UPF2: variants seen among roughly 807,000 people sequenced by gnomAD.
The protein encoded by UPF2 is regulator of nonsense transcripts 2.
Under a neutral mutation model 141.4 loss-of-function variants are expected in UPF2, and 17 were observed. The ratio of observed to expected loss-of-function variants is 0.12; its 90% CI spans 0.08 to 0.18. UPF2 has a LOEUF of 0.18. UPF2 is among the 10% of genes least tolerant of loss of function. The pLI, the probability that UPF2 is intolerant of heterozygous loss-of-function variation, is 1.00. For synonymous variants in UPF2, 540 were observed against 498.0 expected (o/e 1.08, Z -1.12); for missense variants, 1,152 against 1,515.9 (o/e 0.76, Z 3.99).
At chr10:11,973,742 A>G (rs547546796) in intron 9 of UPF2, among the ~76,000 whole-genome samples, 6 of 152,162 alleles carry the variant, frequency 3.9e-5, no homozygotes, top group Non-Finnish European at 5.9e-5. Flanking sequence ...CCATTGGTCT[A>G]TATCTCTATT....
intron 8 of UPF2, among the ~76,000 whole-genome samples, chr10:11,986,330 T>C (rs1246366476): frequency 6.6e-6 from 1 of 152,188 alleles, no homozygotes; most frequent in Non-Finnish European, 1.5e-5. Flanking sequence ...GTCTCCTGAA[T>C]CACACATTTA....
intron 2 of UPF2, among the ~76,000 whole-genome samples, chr10:12,032,032 G>A (rs766513415): frequency 2.0e-4 from 31 of 152,122 alleles, no homozygotes; most frequent in Non-Finnish European, 3.2e-4. Context: ...CGTGGCTCAC[G>A]CCTGTAATCC....
intron 9 of UPF2, among the ~76,000 whole-genome samples, chr10:11,973,701 G>A (rs1352531840): frequency 2.6e-5 from 4 of 152,106 alleles, no homozygotes; most frequent in Non-Finnish European, 5.9e-5. Context: ...TTGTAGATGT[G>A]TGGTATTATT....
chr10:11,957,061 C>T (rs1833163534), intron 12 of UPF2, among the ~76,000 whole-genome samples: 1 of 152,304 alleles, frequency 6.6e-6, no homozygotes, highest in South Asian at 2.1e-4. Flanking sequence ...GTCAAGTAAT[C>T]CCTGTGCCTT....
chr10:12,011,221 C>T (rs1834121095), intron 4 of UPF2, among the ~76,000 whole-genome samples: 1 of 152,212 alleles, frequency 6.6e-6, no homozygotes, highest in South Asian at 2.1e-4. Context: ...TCAAACTCGC[C>T]TCAAGCAATC....
intron 8 of UPF2, among the ~76,000 whole-genome samples, chr10:11,987,119 G>C (rs1209339309): frequency 6.6e-6 from 1 of 152,224 alleles, no homozygotes; most frequent in Non-Finnish European, 1.5e-5. Flanking sequence ...GGGGCCTTCT[G>C]AGGTGCTGGG....
intron 4 of UPF2, among the ~76,000 whole-genome samples, chr10:12,004,975 A>G (rs1234891694): frequency 6.6e-6 from 1 of 152,208 alleles, no homozygotes; most frequent in Non-Finnish European, 1.5e-5. Flanking sequence ...ATTTGTTTTA[A>G]GCAATTAATA....
chr10:11,938,999 A>G (rs942119034), intron 18 of UPF2, among the ~76,000 whole-genome samples: 1 of 151,190 alleles, frequency 6.6e-6, no homozygotes, highest in Non-Finnish European at 1.5e-5. Flanking sequence ...CAGCCTCCCA[A>G]GTAGCTGGGA....
chr10:11,988,995 T>A (rs545721508), intron 8 of UPF2, among the ~76,000 whole-genome samples: 1 of 152,294 alleles, frequency 6.6e-6, no homozygotes, highest in African/African-American at 2.4e-5. Context: ...CCCTCAGGGA[T>A]AAGCCAAATC....
At chr10:11,925,182 T>C (rs918234883) in intron 21 of UPF2, among the ~76,000 whole-genome samples, 17 of 152,216 alleles carry the variant, frequency 1.1e-4, no homozygotes. Context: ...ATCTCATGTT[T>C]CCATGTTTGT....
rs1832916779 is a variant in UPF2, at chr10:11,939,947, C to T, written c.3378+2718G>A. ...ATTGATCTCCCTGCTCTTCTCTTTC[C>T]CTTGGAAAAACAAAACAAAACATCT... is the stretch of plus-strand genomic sequence containing the variant. On this transcript the variant is annotated intron_variant, in intron 18 of 21. Coordinates refer to ENST00000357604, the MANE Select transcript of UPF2 (RefSeq NM_015542.4). The surrounding 1 kb of genome is among the most constrained non-coding windows in gnomAD (Gnocchi z 4.8). 6.6e-6 allele frequency among the ~76,000 whole-genome samples: 1 copy of T among 152,024 alleles called. No homozygotes were observed. The highest frequency in any genetic ancestry group is 6.6e-5 in the Admixed American group (1 of 15,262).
chr10:11,938,872 T>TTTTTTTG (rs1832898885), intron 18 of UPF2, among the ~76,000 whole-genome samples: 2 of 106,014 alleles, frequency 1.9e-5, no homozygotes, highest in East Asian at 8.5e-4. Context: ...TTTTTTTTTT[T>TTTTTTTG]TTTTTTTTTT....
intron 16 of UPF2, among the ~76,000 whole-genome samples, chr10:11,945,018 C>T (rs906863945): frequency 2.0e-5 from 3 of 152,188 alleles, no homozygotes; most frequent in African/African-American, 4.8e-5. Context: ...AATGGTAATA[C>T]AAATACAGCC....
intron 2 of UPF2, among the ~76,000 whole-genome samples, chr10:12,033,991 T>C (rs1834574391): frequency 6.6e-6 from 1 of 152,216 alleles, no homozygotes; most frequent in Non-Finnish European, 1.5e-5. Context: ...AAAAACAGAT[T>C]TAAATAAAGA....
rs748394988 is a variant in UPF2 at position 12,014,160 on chromosome 10, C to T, written c.1170G>A (p.Glu390=). The part of the protein sequence containing the change: ...QNRRILHSKG[E]LSEDRHKQYE... ...ACTGTTTATGTCTATCTTCACTGAG[C>T]TCCCCTTTAGAATGTAGAATGCGCC... Residue 390 remains glutamate, a synonymous_variant, in exon 4 of 22, where the codon GAG becomes GAA. Transcript: ENST00000357604. This position sits in a 1 kb window ranked among gnomAD's most constrained non-coding sequence, Gnocchi z 5.0. 3 of 1,520,430 alleles carry T rather than the reference C, an allele frequency of 2.0e-6. No individual in the cohort carries two copies. Among genetic ancestry groups the T allele is most frequent in the East Asian group, 4.9e-5 (2 of 40,424 alleles). The allele number at this position is 1,520,430 out of a possible 1,614,324, so 94.2% of individuals were successfully genotyped here. A position where few individuals can be genotyped will look rare whatever the true frequency, so the allele number is the denominator to read the frequency against.
rs901312309 is a variant in UPF2 at position 11,936,126 on chromosome 10, T to C, written c.3546+419A>G. Among the ~76,000 whole-genome samples, 2 of 152,088 alleles carry C rather than the reference T, an allele frequency of 1.3e-5. No individual in the cohort carries two copies. Among genetic ancestry groups the C allele is most frequent in the East Asian group, 3.9e-4 (2 of 5,186 alleles). ...TGCTCACGCCTATAATCCAAGCACT[T>C]TGGGAGGCCGAGATGGGCAGATCAC... On this transcript the variant is annotated intron_variant, in intron 19 of 21. Coordinates refer to ENST00000357604, the MANE Select transcript of UPF2 (RefSeq NM_015542.4). This position sits in a 1 kb window ranked among gnomAD's most constrained non-coding sequence, Gnocchi z 6.6.
At chr10:11,954,770 G>A (rs1833123265) in intron 14 of UPF2, among the ~76,000 whole-genome samples, 2 of 148,428 alleles carry the variant, frequency 1.3e-5, no homozygotes, top group South Asian at 4.2e-4. Context: ...GAGGCTAGGA[G>A]TGCAAGACCA....
Position 11,921,031 on chromosome 10 carries a change from T to C in UPF2, c.*267A>G, listed in dbSNP as rs780959249. On this transcript the variant is annotated 3_prime_UTR_variant, in exon 22 of 22. Coordinates refer to ENST00000357604, the MANE Select transcript of UPF2 (RefSeq NM_015542.4). The surrounding 1 kb of genome is among the most constrained non-coding windows in gnomAD (Gnocchi z 5.9). ...GTAGTCAAGTGAACCATCTCATTTCTTGACTGCCATTCTCAAGAGAAGATT... is the reference window on the plus strand; with the variant it reads ...GTAGTCAAGTGAACCATCTCATTTCCTGACTGCCATTCTCAAGAGAAGATT... 1 of 697,068 alleles carries C rather than the reference T, an allele frequency of 1.4e-6. No individual in the cohort carries two copies. Among genetic ancestry groups the C allele is most frequent in the South Asian group, 1.4e-5 (1 of 73,010 alleles). 43.2% of individuals were successfully genotyped at this position (697,068 alleles called of 1,614,324 possible). A position where few individuals can be genotyped will look rare whatever the true frequency, so the allele number is the denominator to read the frequency against.
chr10:12,006,642 A>G (rs1405389579), intron 4 of UPF2, among the ~76,000 whole-genome samples: 1 of 152,238 alleles, frequency 6.6e-6, no homozygotes, highest in African/African-American at 2.4e-5. Context: ...TGAAAAGTAT[A>G]AACAAAAGCA....
Sources: gnomAD v4.1 joint callset for allele counts (sites outside exome capture counted in the v4.1 genomes callset) on GRCh38, gnomAD v4.1.1 for gene constraint, Gnocchi (gnomAD v3.1) non-coding constraint, MANE v1.5 for transcripts, NCBI Gene and HGNC (gene_info 2026-07-23, HGNC 2026-07-21) for gene names.